NDUFS4: variants seen among roughly 807,000 people sequenced by gnomAD.
NDUFS4 encodes the protein NADH:ubiquinone oxidoreductase subunit S4.
NDUFS4 carries 28 observed loss-of-function variants against 24.3 expected under a neutral mutation model. That is an observed-to-expected ratio of 1.15 (90% confidence interval 0.85 to 1.58). The LOEUF is 1.58. NDUFS4 is among the 40% of genes most tolerant of loss of function. The pLI is 0.00. For missense variants in NDUFS4, 223 were observed against 207.9 expected, an observed-to-expected ratio of 1.07 and a Z score of -0.45; for synonymous variants, 93 against 69.7, an observed-to-expected ratio of 1.34 and a Z score of -1.67.
At chr5:53,596,679 T>C (rs906812492) in intron 1 of NDUFS4, among the ~76,000 whole-genome samples, 1 of 152,220 alleles carries the variant, frequency 6.6e-6, no homozygotes, top group African/African-American at 2.4e-5. Flanking sequence ...ATGTATATAT[T>C]TTATTTCAAT....
At chr5:53,562,404 C>T (rs928332622) in intron 1 of NDUFS4, among the ~76,000 whole-genome samples, 45 of 152,140 alleles carry the variant, frequency 3.0e-4, no homozygotes, top group African/African-American at 1.1e-3. Flanking sequence ...TATGGCTAAT[C>T]AAAACATGGC....
rs1255777831 is a variant in NDUFS4, at chr5:53,646,233, G to T, written c.178G>T (p.Asp60Tyr). The change falls in exon 3 of 5, where the codon GAT becomes TAT. Residue 60 changes from aspartate (D) to tyrosine (Y), a missense_variant and splice_region_variant. By Grantham distance (160) the Asp-to-Tyr change is radical. Transcript: ENST00000296684. The part of the protein sequence containing the change: ...TQLITVDEKL[D>Y]ITTLTGVPEE... ...GTTTTTTTTTCTTGTTTTTCTGTAGGATATCACTACTTTAACTGGAGTTCC... is the reference window on the plus strand; with the variant it reads ...GTTTTTTTTTCTTGTTTTTCTGTAGTATATCACTACTTTAACTGGAGTTCC... 1.2e-6 allele frequency: 2 copies of T among 1,605,892 alleles called. No homozygotes were observed. Among genetic ancestry groups the T allele is most frequent in the Non-Finnish European group, 1.7e-6 (2 of 1,173,574 alleles).
At chr5:53,629,041 C>T (rs931400289) in intron 2 of NDUFS4, among the ~76,000 whole-genome samples, 4 of 152,222 alleles carry the variant, frequency 2.6e-5, no homozygotes, top group Non-Finnish European at 5.9e-5. Context: ...CCTCTACACA[C>T]TGCTTTAAAT....
chr5:53,613,249 C>T (rs1010041161), intron 2 of NDUFS4, among the ~76,000 whole-genome samples: 8 of 152,080 alleles, frequency 5.3e-5, no homozygotes, highest in Admixed American at 5.2e-4. Flanking sequence ...TTTGTCTGGA[C>T]TTTACTCACG....
chr5:53,583,320 T>C (rs1749634663), intron 1 of NDUFS4, among the ~76,000 whole-genome samples: 1 of 152,216 alleles, frequency 6.6e-6, no homozygotes, highest in Non-Finnish European at 1.5e-5. Flanking sequence ...TATTGCAAAC[T>C]TTATCTTACG....
rs1561361722 is a variant in NDUFS4, at chr5:53,611,218, T to C, written c.177+7688T>C. ...GAAAAACTTGTGGTTTTTTTTTTTT[T>C]CTGGGCATCAATTATGTATCAACAA... On this transcript the variant is annotated intron_variant, in intron 2 of 4. Transcript: ENST00000296684. 2.6e-5 allele frequency among the ~76,000 whole-genome samples: 4 copies of C among 151,914 alleles called. No homozygotes were observed. In the East Asian group the frequency reaches 7.7e-4, roughly 29 times the overall value.
At chr5:53,647,182 TAATA>T (rs1751893725) in intron 3 of NDUFS4, among the ~76,000 whole-genome samples, 2 of 151,636 alleles carry the variant, frequency 1.3e-5, no homozygotes, top group Admixed American at 6.6e-5. Flanking sequence ...TTGTGATTAA[TAATA>T]AATAATAATA....
chr5:53,587,914 A>G (rs1000377230), intron 1 of NDUFS4, among the ~76,000 whole-genome samples: 1 of 152,194 alleles, frequency 6.6e-6, no homozygotes, highest in African/African-American at 2.4e-5. Flanking sequence ...CACTCAGTCA[A>G]TGAAGGATTT....
chr5:53,578,616 A>G (rs1286420827), intron 1 of NDUFS4, among the ~76,000 whole-genome samples: 1 of 152,190 alleles, frequency 6.6e-6, no homozygotes, highest in Non-Finnish European at 1.5e-5. Context: ...CGTAAAATGG[A>G]CATAATACTT....
At chr5:53,584,123 G>C (rs1304878423) in intron 1 of NDUFS4, among the ~76,000 whole-genome samples, 3 of 152,170 alleles carry the variant, frequency 2.0e-5, no homozygotes, top group African/African-American at 7.2e-5. Context: ...TACTTCATAT[G>C]TACCTTTTTC....
intron 2 of NDUFS4, among the ~76,000 whole-genome samples, chr5:53,617,433 A>AT (rs1050737976): frequency 7.5e-5 from 11 of 147,138 alleles, no homozygotes; most frequent in African/African-American, 1.5e-4. Context: ...ATTCCCTTCC[A>AT]TTTTTTTCAT....
intron 2 of NDUFS4, among the ~76,000 whole-genome samples, chr5:53,637,142 G>T (rs1014797976): frequency 1.3e-5 from 2 of 152,148 alleles, no homozygotes; most frequent in African/African-American, 4.8e-5. Flanking sequence ...GAGACTAGAA[G>T]GCCAAGCCAA....
At chr5:53,678,457 C>T (rs529058899) in intron 4 of NDUFS4, among the ~76,000 whole-genome samples, 1 of 152,252 alleles carries the variant, frequency 6.6e-6, no homozygotes, top group African/African-American at 2.4e-5. Context: ...ATCCCTAGGG[C>T]AGCTGTCTTG....
chr5:53,646,205 C>T (rs771107044), intron 2 of NDUFS4, 28 bp from the exon 3 acceptor site: 15 of 1,553,650 alleles, frequency 9.7e-6, no homozygotes, highest in South Asian at 4.5e-5. Context: ...CTGTTTGAAA[C>T]GTGTTTTTTT....
At chr5:53,563,434 A>G (rs570508887) in intron 1 of NDUFS4, among the ~76,000 whole-genome samples, 1 of 151,858 alleles carries the variant, frequency 6.6e-6, no homozygotes, top group East Asian at 1.9e-4. Context: ...TGTTGGTCTC[A>G]GTTTCCATGT....
intron 1 of NDUFS4, among the ~76,000 whole-genome samples, chr5:53,569,042 A>G (rs1203505698): frequency 6.6e-6 from 1 of 152,192 alleles, no homozygotes; most frequent in African/African-American, 2.4e-5. Flanking sequence ...TCAGCAAGCC[A>G]TATGCTTCTC....
At chr5:53,682,128 A>G (rs749621489) in intron 4 of NDUFS4, among the ~76,000 whole-genome samples, 2 of 152,280 alleles carry the variant, frequency 1.3e-5, no homozygotes, top group Non-Finnish European at 2.9e-5. Context: ...AATGGATTTT[A>G]TGAAGAAAAG....
intron 1 of NDUFS4, among the ~76,000 whole-genome samples, chr5:53,562,974 A>T (rs1268969664): frequency 6.6e-6 from 1 of 152,152 alleles, no homozygotes; most frequent in African/African-American, 2.4e-5. Flanking sequence ...TCACACCTGT[A>T]ATCCCAGCAC....
At chr5:53,645,233 T>C (rs1751825948) in intron 2 of NDUFS4, among the ~76,000 whole-genome samples, 1 of 152,136 alleles carries the variant, frequency 6.6e-6, no homozygotes, top group African/African-American at 2.4e-5. Flanking sequence ...CCAATGTGAT[T>C]TACTTTGATC....
Sources: gnomAD v4.1 joint callset for allele counts (sites outside exome capture counted in the v4.1 genomes callset) on GRCh38, gnomAD v4.1.1 for gene constraint, MANE v1.5 for transcripts, NCBI Gene and HGNC (gene_info 2026-07-23, HGNC 2026-07-21) for gene names.